CAST: variants seen among roughly 807,000 people sequenced by gnomAD.
CAST encodes the protein calpastatin.
In CAST, 76 loss-of-function variants were observed where a neutral mutation model predicts 119.6. The observed-to-expected ratio is 0.64, with a 90% CI of 0.53 to 0.77. The LOEUF (loss-of-function observed/expected upper bound fraction) is 0.77, where lower values mean the gene tolerates loss of function less well. CAST is among the 30% of genes least tolerant of loss of function. The pLI is 0.00. For synonymous variants in CAST, 319 were observed against 331.6 expected (o/e 0.96, Z 0.41); for missense variants, 953 against 946.5 (o/e 1.01, Z -0.09).
chr5:96,754,522 G>A (rs1765855090), intron 21 of CAST, 136 bp from the exon 22 acceptor site: 1 of 638,734 alleles, frequency 1.6e-6, no homozygotes, highest in Admixed American at 2.8e-5. Flanking sequence ...AGTTGCTGTA[G>A]GAGCACTAAG....
At chr5:96,343,286 C>G in the CAST span, among the ~76,000 whole-genome samples, 1 of 152,158 alleles carries the variant, frequency 6.6e-6, no homozygotes, top group East Asian at 1.9e-4. Context: ...AATACTGGCA[C>G]CTAGCCAAAA....
chr5:96,433,243 C>G, the CAST span: 1 of 614,672 alleles, frequency 1.6e-6, no homozygotes, highest in South Asian at 1.9e-5. Context: ...GGTCTCCAGG[C>G]TGAGTGGAGC....
the CAST span, among the ~76,000 whole-genome samples, chr5:96,261,298 G>T: frequency 5.3e-5 from 8 of 152,192 alleles, no homozygotes; most frequent in African/African-American, 1.9e-4. Context: ...AGAAAGCTAA[G>T]AGGCTGAAGA....
intron 1 of CAST, among the ~76,000 whole-genome samples, chr5:96,622,462 G>GA (rs1214333180): frequency 6.6e-6 from 1 of 152,208 alleles, no homozygotes; most frequent in Non-Finnish European, 1.5e-5. Flanking sequence ...AATGCATGTA[G>GA]AAAATACAGC....
chr5:96,302,214 G>C, the CAST span, among the ~76,000 whole-genome samples: 2 of 152,154 alleles, frequency 1.3e-5, no homozygotes, highest in Non-Finnish European at 2.9e-5. Flanking sequence ...CACAGCTGGA[G>C]CTGGAGCAGC....
At chr5:96,125,808 C>T in the CAST span, among the ~76,000 whole-genome samples, 1 of 152,094 alleles carries the variant, frequency 6.6e-6, no homozygotes, top group Non-Finnish European at 1.5e-5. Flanking sequence ...AGTCTGCTCC[C>T]ACAGACTTCC....
At chr5:96,244,483 T>C in the CAST span, among the ~76,000 whole-genome samples, 1 of 152,168 alleles carries the variant, frequency 6.6e-6, no homozygotes, top group Non-Finnish European at 1.5e-5. Flanking sequence ...AATAAATAGC[T>C]GTTTCACAGT....
chr5:96,661,340 G>A (rs1025347176), upstream of CAST, among the ~76,000 whole-genome samples: 1 of 140,890 alleles, frequency 7.1e-6, no homozygotes, highest in East Asian at 2.2e-4. Flanking sequence ...CAGGAGAATC[G>A]CTTGAACCTG....
At chr5:96,062,880 C>T in the CAST span, among the ~76,000 whole-genome samples, 1 of 152,044 alleles carries the variant, frequency 6.6e-6, no homozygotes, top group Admixed American at 6.6e-5. Flanking sequence ...CTGCCTTGAC[C>T]AGCAGAGACA....
chr5:96,753,146 A>G (rs12186366), intron 20 of CAST, among the ~76,000 whole-genome samples: 15,078 of 152,092 alleles, frequency 0.099, 981 homozygotes, highest in Middle Eastern at 0.16. Context: ...GGCATGCACC[A>G]TCATGCCTGG....
intron 1 of CAST, among the ~76,000 whole-genome samples, chr5:96,648,345 T>C (rs1432948360): frequency 6.6e-6 from 1 of 152,194 alleles, no homozygotes; most frequent in Non-Finnish European, 1.5e-5. Flanking sequence ...TGCTTTATAT[T>C]GCCAAGTTTA....
intron 2 of CAST, among the ~76,000 whole-genome samples, chr5:96,686,160 T>C (rs958107058): frequency 1.5e-5 from 2 of 132,168 alleles, no homozygotes; most frequent in Non-Finnish European, 3.1e-5. Context: ...TTAGATCTTT[T>C]GATTATTCCT....
the CAST span, chr5:96,416,159 A>C: frequency 7.2e-7 from 1 of 1,384,498 alleles, no homozygotes; most frequent in Non-Finnish European, 1.0e-6. Context: ...AACATACAGA[A>C]GAACAAACAT....
chr5:96,131,619 C>G, the CAST span, among the ~76,000 whole-genome samples: 1 of 152,038 alleles, frequency 6.6e-6, no homozygotes, highest in East Asian at 1.9e-4. Flanking sequence ...TTGGGATCAC[C>G]GTAACCTACT....
At chr5:96,296,750 C>A in the CAST span, among the ~76,000 whole-genome samples, 3 of 152,190 alleles carry the variant, frequency 2.0e-5, no homozygotes, top group South Asian at 6.2e-4. Flanking sequence ...GTCTGCTCAA[C>A]TGTGTTGGTT....
chr5:96,162,002 T>G, the CAST span, among the ~76,000 whole-genome samples: 1 of 152,246 alleles, frequency 6.6e-6, no homozygotes, highest in Non-Finnish European at 1.5e-5. Flanking sequence ...TTAGTTCCAA[T>G]GCTTCTCTTG....
the CAST span, among the ~76,000 whole-genome samples, chr5:96,393,575 C>G: frequency 6.6e-6 from 1 of 152,142 alleles, no homozygotes; most frequent in Non-Finnish European, 1.5e-5. Flanking sequence ...CCTTTAACAA[C>G]CTTTTTAATC....
the CAST span, among the ~76,000 whole-genome samples, chr5:96,309,855 C>T: frequency 1.2e-4 from 18 of 152,228 alleles, no homozygotes; most frequent in Non-Finnish European, 7.3e-5. Context: ...CCGCCTTCTG[C>T]GTTGATCTTG....
chr5:96,049,889 CAAAAA>C, the CAST span, among the ~76,000 whole-genome samples: 98 of 34,186 alleles, frequency 2.9e-3, no homozygotes, highest in African/African-American at 7.1e-3. Flanking sequence ...GAACAGGAGG[CAAAAA>C]AAAAAAAAAA....
Sources: gnomAD v4.1 joint callset for allele counts (sites outside exome capture counted in the v4.1 genomes callset) on GRCh38, gnomAD v4.1.1 for gene constraint, MANE v1.5 for transcripts, NCBI Gene and HGNC (gene_info 2026-07-23, HGNC 2026-07-21) for gene names.